Variants in AGAP1 observed in about 807,000 individuals in gnomAD.
AGAP1 encodes the protein arf-GAP with GTPase, ANK repeat and PH domain-containing protein 1.
Under a neutral mutation model 105.3 loss-of-function variants are expected in AGAP1, and 29 were observed. That is an observed-to-expected ratio of 0.28 (90% CI 0.21 to 0.38). The LOEUF is 0.38. AGAP1 is among the 10% of genes least tolerant of loss of function. The probability of loss-of-function intolerance (pLI) is 1.00; values close to 1 mark genes in which losing one functional copy is unlikely to be tolerated. For synonymous variants in AGAP1, 509 were observed against 485.9 expected (o/e 1.05, Z -0.63); for missense variants, 998 against 1,165.1 (o/e 0.86, Z 2.09).
At chr2:235,637,635 T>A (rs1947050585) in intron 1 of AGAP1, among the ~76,000 whole-genome samples, 1 of 152,142 alleles carries the variant, frequency 6.6e-6, no homozygotes, top group Non-Finnish European at 1.5e-5. Context: ...ACCAGTGGGC[T>A]GTATGTTTCA....
intron 13 of AGAP1, among the ~76,000 whole-genome samples, chr2:235,978,518 G>A (rs1463978752): frequency 6.6e-6 from 1 of 152,210 alleles, no homozygotes; most frequent in East Asian, 1.9e-4. Context: ...GGTGTTGGCA[G>A]GTGGGTGGTG....
chr2:235,793,300 C>T lies in AGAP1; in HGVS notation c.674-4459C>T, dbSNP rs139947893. Among the ~76,000 whole-genome samples, 6 of 152,286 alleles carry T rather than the reference C, an allele frequency of 3.9e-5. No individual in the cohort carries two copies. Among genetic ancestry groups the T allele is most frequent in the East Asian group, 1.9e-4 (1 of 5,158 alleles). On this transcript the variant is annotated intron_variant, in intron 6 of 17. Coordinates refer to ENST00000304032, the MANE Select transcript of AGAP1 (RefSeq NM_001037131.3). This position sits in a 1 kb window ranked among gnomAD's most constrained non-coding sequence, Gnocchi z 5.3. ...CACGGTGTAATCCGGGCAGCCTTGG[C>T]GAGCACCTCCTGTGTGCCAGTCACC...
intron 1 of AGAP1, among the ~76,000 whole-genome samples, chr2:235,499,566 G>T (rs974221283): frequency 2.6e-5 from 4 of 152,122 alleles, no homozygotes; most frequent in African/African-American, 9.7e-5. Context: ...TACCTTGCCG[G>T]CACCCGGGAC....
At position 235,883,175 on chromosome 2, in the gene AGAP1, G is replaced by A. The variant is rs2050115621; in HGVS notation, c.1051-170G>A. On this transcript the variant is annotated intron_variant, in intron 9 of 17. Coordinates refer to ENST00000304032, the MANE Select transcript of AGAP1 (RefSeq NM_001037131.3). This position sits in a 1 kb window ranked among gnomAD's most constrained non-coding sequence, Gnocchi z 4.5. ...AAGATCTAGTGTAGCACGTCTCAAT[G>A]TGTTTGTGTCGTATTTGTTGAACTA... Among the ~76,000 whole-genome samples the A allele has an allele frequency of 6.6e-6, 1 of 152,054 alleles. No individual in the cohort carries two copies. Among genetic ancestry groups the A allele is most frequent in the African/African-American group, 2.4e-5 (1 of 41,398 alleles).
chr2:236,066,605 G>C (rs146935323), intron 16 of AGAP1, among the ~76,000 whole-genome samples: 164 of 152,298 alleles, frequency 1.1e-3, no homozygotes, highest in African/African-American at 3.8e-3. Context: ...GATAAATCAT[G>C]AACTCTTAAA....
At chr2:236,107,766 C>T (rs997754746) in intron 16 of AGAP1, among the ~76,000 whole-genome samples, 3 of 152,214 alleles carry the variant, frequency 2.0e-5, no homozygotes, top group African/African-American at 7.2e-5. Flanking sequence ...CGGGCACATC[C>T]TCGCTCTCCT....
intron 6 of AGAP1, among the ~76,000 whole-genome samples, chr2:235,771,394 C>A (rs1185146648): frequency 1.3e-5 from 2 of 152,172 alleles, no homozygotes; most frequent in African/African-American, 2.4e-5. Flanking sequence ...CACACGTGGG[C>A]ACAGCTGGGA....
chr2:235,535,641 G>A lies in AGAP1; in HGVS notation c.163+40792G>A, dbSNP rs1372393523. 2.6e-5 allele frequency among the ~76,000 whole-genome samples: 4 copies of A among 152,036 alleles called. No individual in the cohort carries two copies. The highest frequency in any genetic ancestry group is 4.4e-5 in the Non-Finnish European group (3 of 67,996). ...GGGCGGGGCTGTGCCAGGCACCCGC[G>A]TCGCGCTCCAGCTCCAGCCCTTTAA... On this transcript the variant is annotated intron_variant, in intron 1 of 17. Coordinates refer to ENST00000304032, the MANE Select transcript of AGAP1 (RefSeq NM_001037131.3). This position sits in a 1 kb window ranked among gnomAD's most constrained non-coding sequence, Gnocchi z 5.1.
rs143929178 is a variant in AGAP1 at position 235,934,415 on chromosome 2, G to A, written c.1483+3492G>A. Among the ~76,000 whole-genome samples the A allele has an allele frequency of 3.2e-4, 49 of 152,268 alleles. No homozygotes were observed. The highest frequency in any genetic ancestry group is 1.1e-3 in the African/African-American group (45 of 41,544). ...TCTGCGCCGAGGGTACCATCCCGGC[G>A]TCCCTCTGGTTCGCGTCATTCCCCC... On this transcript the variant is annotated intron_variant, in intron 12 of 17. Transcript: ENST00000304032. The surrounding 1 kb of genome is among the most constrained non-coding windows in gnomAD (Gnocchi z 4.9).
rs1287256488 is a variant in AGAP1 at position 236,092,676 on chromosome 2, G to A, written c.2115-27516G>A. Among the ~76,000 whole-genome samples the A allele has an allele frequency of 6.6e-6, 1 of 152,224 alleles. No homozygotes were observed. The highest frequency in any genetic ancestry group is 2.4e-5 in the African/African-American group (1 of 41,462). ...CAAAGTGCTGGGATTACAGGCGTGA[G>A]CCACCGCGCCCGGCCGTATTATTTC... is the stretch of plus-strand genomic sequence containing the variant. On this transcript the variant is annotated intron_variant, in intron 16 of 17. Transcript: ENST00000304032. This position sits in a 1 kb window ranked among gnomAD's most constrained non-coding sequence, Gnocchi z 4.7.
At chr2:235,670,909 C>T in intron 1 of AGAP1, 2 of 1,341,128 alleles carry the variant, frequency 1.5e-6, no homozygotes, top group African/African-American at 1.5e-5. Context: ...TCTTCAGCGG[C>T]ATCTTCGCGC....
intron 12 of AGAP1, among the ~76,000 whole-genome samples, chr2:235,955,172 G>A (rs904008850): frequency 5.9e-5 from 9 of 152,248 alleles, no homozygotes; most frequent in African/African-American, 2.2e-4. Context: ...GGCTAGGCTG[G>A]GGCTGGAGCT....
Position 235,797,746 on chromosome 2 carries a change from G to C in AGAP1, c.674-13G>C, listed in dbSNP as rs779477468. ...GATTGACATGGATTTCTTTTTGTCT[G>C]TGTGTCCACCAGTTGCCCAGAAGAT... On this transcript the variant is annotated splice_polypyrimidine_tract_variant and intron_variant, in intron 6 of 17. Coordinates refer to ENST00000304032, the MANE Select transcript of AGAP1 (RefSeq NM_001037131.3). 36 of 1,613,784 alleles carry C rather than the reference G, an allele frequency of 2.2e-5. No individual in the cohort carries two copies. The highest frequency in any genetic ancestry group is 2.7e-5 in the Non-Finnish European group (32 of 1,179,948).
Position 236,078,940 on chromosome 2 carries a change from G to C in AGAP1, c.2114+29659G>C, listed in dbSNP as rs977693074. On this transcript the variant is annotated intron_variant, in intron 16 of 17. Coordinates refer to ENST00000304032, the MANE Select transcript of AGAP1 (RefSeq NM_001037131.3). The surrounding 1 kb of genome is among the most constrained non-coding windows in gnomAD (Gnocchi z 5.3). ...AGGTCCAGCCTCACACAGTGACCCA[G>C]TGGGCTTGAACAGTGAGGTTCCAGT... Among the ~76,000 whole-genome samples the C allele has an allele frequency of 3.3e-5, 5 of 152,186 alleles. No homozygotes were observed. Among genetic ancestry groups the C allele is most frequent in the African/African-American group, 1.2e-4 (5 of 41,448 alleles).
intron 15 of AGAP1, among the ~76,000 whole-genome samples, chr2:236,047,344 C>T (rs565277461): frequency 1.3e-5 from 2 of 152,048 alleles, no homozygotes; most frequent in African/African-American, 2.4e-5. Flanking sequence ...AAGGGAGAGG[C>T]ACAGGCGAGG....
intron 16 of AGAP1, among the ~76,000 whole-genome samples, chr2:236,097,582 G>A (rs1019045443): frequency 7.3e-5 from 11 of 151,484 alleles, no homozygotes; most frequent in East Asian, 1.9e-4. Context: ...TAGTAGAGAT[G>A]GGGTTTCACC....
intron 1 of AGAP1, among the ~76,000 whole-genome samples, chr2:235,678,603 G>T (rs906928013): frequency 6.6e-6 from 1 of 152,152 alleles, no homozygotes; most frequent in Non-Finnish European, 1.5e-5. Flanking sequence ...AGTTTTCAAG[G>T]TCTAGAGTCC....
intron 1 of AGAP1, among the ~76,000 whole-genome samples, chr2:235,624,770 T>G (rs1483010319): frequency 3.3e-5 from 5 of 152,102 alleles, no homozygotes; most frequent in Non-Finnish European, 7.4e-5. Context: ...TGGGGCATGG[T>G]GGGAGGTGAT....
rs1480690459 is a variant in AGAP1 at position 235,842,973 on chromosome 2, C to T, written c.1050+35642C>T. Among the ~76,000 whole-genome samples the T allele has an allele frequency of 2.0e-5, 3 of 152,196 alleles. No homozygotes were observed. Among genetic ancestry groups the T allele is most frequent in the African/African-American group, 7.2e-5 (3 of 41,426 alleles). On this transcript the variant is annotated intron_variant, in intron 9 of 17. Coordinates refer to ENST00000304032, the MANE Select transcript of AGAP1 (RefSeq NM_001037131.3). The surrounding 1 kb of genome is among the most constrained non-coding windows in gnomAD (Gnocchi z 5.3). ...AACTCCTGACCTCAGGTGATCGGCCCGCCTCGGCCTCCCAAAGTGCTGGAG... is the reference window on the plus strand; with the variant it reads ...AACTCCTGACCTCAGGTGATCGGCCTGCCTCGGCCTCCCAAAGTGCTGGAG...
Sources: allele counts gnomAD v4.1 joint callset (sites outside exome capture counted in the v4.1 genomes callset), GRCh38; gene constraint gnomAD v4.1.1; non-coding constraint Gnocchi (gnomAD v3.1); transcripts MANE v1.5; gene names NCBI Gene and HGNC (gene_info 2026-07-23, HGNC 2026-07-21).